Variants in CSMD1 observed in about 807,000 individuals in gnomAD.
The protein encoded by CSMD1 is CUB and Sushi multiple domains 1.
A neutral mutation model predicts 417.5 loss-of-function variants in CSMD1; 213 were observed. The observed-to-expected ratio is 0.51, with a 90% CI of 0.46 to 0.57. The LOEUF (loss-of-function observed/expected upper bound fraction) is 0.57, where lower values mean the gene tolerates loss of function less well. CSMD1 is among the 20% of genes least tolerant of loss of function. The probability of loss-of-function intolerance (pLI) is 0.00; values close to 1 mark genes in which losing one functional copy is unlikely to be tolerated. For missense variants in CSMD1, 6,923 were observed against 4,529.7 expected, an observed-to-expected ratio of 1.53 and a Z score of -15.17; for synonymous variants, 2,862 against 1,736.8, an observed-to-expected ratio of 1.65 and a Z score of -16.11.
At chr8:4,885,532 T>A (rs1479947041) in intron 1 of CSMD1, among the ~76,000 whole-genome samples, 1 of 152,022 alleles carries the variant, frequency 6.6e-6, no homozygotes, top group African/African-American at 2.4e-5. Context: ...TTGATTTTAT[T>A]ATGAGGAGGT....
chr8:3,401,943 C>T (rs1812063590), intron 15 of CSMD1, among the ~76,000 whole-genome samples: 1 of 147,440 alleles, frequency 6.8e-6, no homozygotes, highest in South Asian at 2.2e-4. Context: ...GTTTAGAAAG[C>T]AATTTCTTCT....
intron 5 of CSMD1, among the ~76,000 whole-genome samples, chr8:3,957,411 C>T (rs1339846381): frequency 6.6e-6 from 1 of 152,166 alleles, no homozygotes; most frequent in Non-Finnish European, 1.5e-5. Context: ...GGAGCAGTGG[C>T]TCCCACCTGT....
At chr8:4,344,164 G>C (rs1261753059) in intron 3 of CSMD1, among the ~76,000 whole-genome samples, 3 of 152,058 alleles carry the variant, frequency 2.0e-5, no homozygotes, top group Non-Finnish European at 2.9e-5. Context: ...TTGTTAATCT[G>C]CTTTTTCATA....
At chr8:4,248,102 A>G (rs948877983) in intron 3 of CSMD1, among the ~76,000 whole-genome samples, 1 of 152,124 alleles carries the variant, frequency 6.6e-6, no homozygotes, top group African/African-American at 2.4e-5. Flanking sequence ...ATTTTTGTGT[A>G]TATTTCCAGT....
At chr8:4,000,448 C>A (rs1260625985) in intron 4 of CSMD1, among the ~76,000 whole-genome samples, 1 of 152,174 alleles carries the variant, frequency 6.6e-6, no homozygotes, top group Non-Finnish European at 1.5e-5. Context: ...GAACATATTC[C>A]AGCCATGAGG....
intron 10 of CSMD1, among the ~76,000 whole-genome samples, chr8:3,494,575 GATAGATAGATAGATAGA>G (rs1563092064): frequency 1.3e-5 from 2 of 149,036 alleles, no homozygotes; most frequent in African/African-American, 5.1e-5. Context: ...TAGATAGATA[GATAGATAGATAGATAGA>G]TAGATAGATA....
intron 23 of CSMD1, among the ~76,000 whole-genome samples, chr8:3,317,249 T>G (rs966465096): frequency 1.3e-5 from 2 of 152,200 alleles, no homozygotes; most frequent in African/African-American, 4.8e-5. Context: ...TGATAACACC[T>G]GTTATGAAAT....
intron 7 of CSMD1, among the ~76,000 whole-genome samples, chr8:3,676,106 A>C (rs1799360990): frequency 6.6e-6 from 1 of 152,240 alleles, no homozygotes; most frequent in African/African-American, 2.4e-5. Flanking sequence ...ATGTGTGTTT[A>C]TAAATGCTTG....
chr8:4,498,161 C>T (rs1389547361), intron 2 of CSMD1, among the ~76,000 whole-genome samples: 4 of 152,130 alleles, frequency 2.6e-5, no homozygotes, highest in Admixed American at 1.3e-4. Flanking sequence ...GAGGGACACG[C>T]AGTTATCTTT....
intron 1 of CSMD1, among the ~76,000 whole-genome samples, chr8:4,741,696 T>A (rs1810614485): frequency 6.6e-6 from 1 of 152,138 alleles, no homozygotes. Context: ...TCCATTGTCT[T>A]CACTACTCCA....
intron 1 of CSMD1, among the ~76,000 whole-genome samples, chr8:4,831,680 A>T (rs1488628465): frequency 2.0e-5 from 3 of 152,168 alleles, no homozygotes; most frequent in African/African-American, 7.2e-5. Context: ...TTCATACTTC[A>T]ATGAAATGGT....
At chr8:4,141,774 G>A (rs1420978086) in intron 3 of CSMD1, among the ~76,000 whole-genome samples, 1 of 151,004 alleles carries the variant, frequency 6.6e-6, no homozygotes, top group East Asian at 1.9e-4. Context: ...ACAATACACA[G>A]AAGTGAAACA....
At chr8:3,968,155 C>T in intron 5 of CSMD1, among the ~76,000 whole-genome samples, 1 of 151,668 alleles carries the variant, frequency 6.6e-6, no homozygotes, top group African/African-American at 2.4e-5. Flanking sequence ...CCACTGCACT[C>T]CAGCCTGGGT....
chr8:4,243,286 T>G (rs572013677), intron 3 of CSMD1, among the ~76,000 whole-genome samples: 1 of 152,264 alleles, frequency 6.6e-6, no homozygotes, highest in East Asian at 1.9e-4. Context: ...GAACTAGGTC[T>G]GAATTTCATG....
In CSMD1 at chr8:4,616,617, G is replaced by A. The variant is rs74958451; in HGVS notation, c.302+20725C>T. Among the ~76,000 whole-genome samples, 309 of 152,286 alleles carry A rather than the reference G, an allele frequency of 2.0e-3. 7 individuals carry two copies. In the East Asian group the frequency reaches 0.053, roughly 26 times the overall value. On this transcript the variant is annotated intron_variant, in intron 2 of 69. Transcript: ENST00000635120. ...ACTATAGAATAAGATACAGGATCTA[G>A]CAACTACTGACAGCTGACATTGGAC... is the stretch of plus-strand genomic sequence containing the variant.
At chr8:3,379,228 C>A (rs1007495912) in intron 18 of CSMD1, among the ~76,000 whole-genome samples, 4 of 152,162 alleles carry the variant, frequency 2.6e-5, no homozygotes, top group Non-Finnish European at 5.9e-5. Context: ...CTACAAACCA[C>A]TGCTCAAGGA....
intron 3 of CSMD1, among the ~76,000 whole-genome samples, chr8:4,379,355 C>A (rs923610103): frequency 1.3e-5 from 2 of 152,106 alleles, no homozygotes; most frequent in Non-Finnish European, 2.9e-5. Context: ...ATTCAGGAGA[C>A]AGGAGGAATA....
chr8:2,945,528 T>G (rs1019696979), intron 68 of CSMD1, among the ~76,000 whole-genome samples: 1 of 152,214 alleles, frequency 6.6e-6, no homozygotes. Context: ...AAGACAAATC[T>G]TAAGAAGTAG....
chr8:4,128,896 T>C (rs1273273239), intron 3 of CSMD1, among the ~76,000 whole-genome samples: 1 of 152,056 alleles, frequency 6.6e-6, no homozygotes, highest in East Asian at 1.9e-4. Flanking sequence ...TTCTGTCTCG[T>C]ACAACTCATA....
Sources: gnomAD v4.1 joint callset for allele counts (sites outside exome capture counted in the v4.1 genomes callset) on GRCh38, gnomAD v4.1.1 for gene constraint, MANE v1.5 for transcripts, NCBI Gene and HGNC (gene_info 2026-07-23, HGNC 2026-07-21) for gene names.